The following CDC14A variants were observed in gnomAD, a reference collection of about 807,000 sequenced individuals.
CDC14A encodes dual specificity protein phosphatase CDC14A.
Under a neutral mutation model 74.4 loss-of-function variants are expected in CDC14A, and 53 were observed. That is an observed-to-expected ratio of 0.71 (90% CI 0.57 to 0.89). The LOEUF is 0.89. CDC14A is among the 40% of genes least tolerant of loss of function. The pLI is 0.00. For synonymous variants in CDC14A, 247 were observed against 258.4 expected (o/e 0.96, Z 0.43); for missense variants, 646 against 713.7 (o/e 0.91, Z 1.08).
intron 3 of CDC14A, among the ~76,000 whole-genome samples, chr1:100,378,569 G>C (rs1655633783): frequency 6.6e-6 from 1 of 152,100 alleles, no homozygotes; most frequent in Non-Finnish European, 1.5e-5. Context: ...GTCTGATAGA[G>C]AATTTCCTGT....
Position 100,442,932 on chromosome 1 carries a change from A to G in CDC14A, c.457-2A>G. ...AAAAACTAATTCAAATTCTGCTTTT[A>G]GGGATTACAACATGGATTTTTTGAC... On this transcript the variant is annotated splice_acceptor_variant, in intron 6 of 15. Transcript: ENST00000336454. LOFTEE classifies it high-confidence loss of function. 6.3e-7 allele frequency: 1 copy of G among 1,590,610 alleles called. No homozygotes were observed. Among genetic ancestry groups the G allele is most frequent in the Non-Finnish European group, 8.6e-7 (1 of 1,159,412 alleles).
chr1:100,410,892 A>G (rs1322623915), intron 4 of CDC14A, among the ~76,000 whole-genome samples: 1 of 152,194 alleles, frequency 6.6e-6, no homozygotes, highest in Non-Finnish European at 1.5e-5. Context: ...TGGTTGATCT[A>G]GACCTCAGGT....
At chr1:100,473,145 G>A (rs1252516800) in intron 10 of CDC14A, among the ~76,000 whole-genome samples, 3 of 151,852 alleles carry the variant, frequency 2.0e-5, no homozygotes, top group Admixed American at 1.3e-4. Context: ...CCTCTATATC[G>A]ATTTGGGGAG....
intron 10 of CDC14A, among the ~76,000 whole-genome samples, chr1:100,471,701 A>T (rs1668415062): frequency 6.6e-6 from 1 of 152,142 alleles, no homozygotes. Context: ...AAATATACAG[A>T]CACTTGATTT....
chr1:100,505,404 C>G (rs1649146646), intron 15 of CDC14A, among the ~76,000 whole-genome samples: 1 of 152,180 alleles, frequency 6.6e-6, no homozygotes. Context: ...GTTCTAACAT[C>G]AGGCAGAATA....
At chr1:100,432,685 C>T (rs2101103864) in intron 5 of CDC14A, among the ~76,000 whole-genome samples, 1 of 152,130 alleles carries the variant, frequency 6.6e-6, no homozygotes, top group Non-Finnish European at 1.5e-5. Context: ...TGAGAATATT[C>T]TAGATATATT....
chr1:100,473,916 TGTC>T (rs1167605199), intron 10 of CDC14A, among the ~76,000 whole-genome samples: 1 of 152,184 alleles, frequency 6.6e-6, no homozygotes, highest in African/African-American at 2.4e-5. Flanking sequence ...CAGACATCCT[TGTC>T]GTGCTCCCAG....
At chr1:100,408,924 T>C (rs79433025) in intron 4 of CDC14A, among the ~76,000 whole-genome samples, 18,714 of 152,224 alleles carry the variant, frequency 0.12, 1,409 homozygotes, top group Non-Finnish European at 0.16. Flanking sequence ...TACAGTGGTA[T>C]GGAACACTAG....
chr1:100,355,954 G>T (rs151005786), intron 2 of CDC14A, among the ~76,000 whole-genome samples: 1 of 152,174 alleles, frequency 6.6e-6, no homozygotes, highest in Non-Finnish European at 1.5e-5. Flanking sequence ...CAAAGGCTTC[G>T]TGGAAGAGTT....
intron 8 of CDC14A, among the ~76,000 whole-genome samples, chr1:100,459,103 A>ACG (rs990467271): frequency 7.2e-6 from 1 of 139,352 alleles, no homozygotes; most frequent in East Asian, 2.1e-4. Context: ...ACACACACGC[A>ACG]CACACACACA....
chr1:100,444,887 A>G (rs1483612683), intron 7 of CDC14A, among the ~76,000 whole-genome samples: 1 of 152,242 alleles, frequency 6.6e-6, no homozygotes, highest in Non-Finnish European at 1.5e-5. Flanking sequence ...TAAAGCTGCT[A>G]CTTTTCCCAA....
chr1:100,486,162 T>C (rs1317242153), intron 11 of CDC14A, among the ~76,000 whole-genome samples: 8 of 152,222 alleles, frequency 5.3e-5, no homozygotes, highest in African/African-American at 1.9e-4. Flanking sequence ...TTATGAACTC[T>C]GAAAAGACAA....
chr1:100,481,534 C>T (rs981848760), intron 10 of CDC14A, among the ~76,000 whole-genome samples: 1 of 152,142 alleles, frequency 6.6e-6, no homozygotes, highest in Non-Finnish European at 1.5e-5. Flanking sequence ...CCTGTGAAGG[C>T]TCTAGATCAG....
At chr1:100,422,822 A>G (rs550177102) in intron 4 of CDC14A, among the ~76,000 whole-genome samples, 61 of 152,286 alleles carry the variant, frequency 4.0e-4, no homozygotes, top group African/African-American at 1.4e-3. Context: ...GAAAACTCAG[A>G]ATGGACTCGT....
Position 100,352,859 on chromosome 1 carries a change from T to C in CDC14A, c.-96T>C. The C allele has an allele frequency of 6.3e-7, 1 of 1,596,912 alleles. No individual in the cohort carries two copies. The highest frequency in any genetic ancestry group is 8.5e-7 in the Non-Finnish European group (1 of 1,172,980). ...CGGCCAGGCTTGTTGTTCGGGACTG[T>C]GAGCTTCCTGGCTCCTGGGCAGTGG... On this transcript the variant is annotated 5_prime_UTR_variant, in exon 1 of 16. Transcript: ENST00000336454.
chr1:100,388,445 C>T (rs1380761108), intron 3 of CDC14A, among the ~76,000 whole-genome samples: 3 of 152,166 alleles, frequency 2.0e-5, no homozygotes. Context: ...ACCTTTACAT[C>T]CCTAGGTAAC....
intron 7 of CDC14A, among the ~76,000 whole-genome samples, chr1:100,447,391 T>C (rs1557769483): frequency 6.6e-6 from 1 of 152,208 alleles, no homozygotes. Context: ...AACTGTACAG[T>C]TCCTTACATT....
intron 10 of CDC14A, among the ~76,000 whole-genome samples, chr1:100,477,112 A>C (rs1173878362): frequency 6.6e-6 from 1 of 152,194 alleles, no homozygotes; most frequent in African/African-American, 2.4e-5. Context: ...TCCATATGGA[A>C]CCAGCTCTGC....
chr1:100,351,973 A>AGTGTGTGT (rs35169146), upstream of CDC14A, among the ~76,000 whole-genome samples: 420 of 146,166 alleles, frequency 2.9e-3, 3 homozygotes, highest in African/African-American at 9.2e-3. Flanking sequence ...GGTTTTTACG[A>AGTGTGTGT]GTGTGTGTGT....
Sources: gnomAD v4.1 joint callset for allele counts (sites outside exome capture counted in the v4.1 genomes callset) on GRCh38, gnomAD v4.1.1 for gene constraint, MANE v1.5 for transcripts, NCBI Gene and HGNC (gene_info 2026-07-23, HGNC 2026-07-21) for gene names.